Variants in AFAP1L2 observed in about 807,000 individuals in gnomAD.
AFAP1L2 encodes the protein actin filament associated protein 1 like 2.
A neutral mutation model predicts 99.3 loss-of-function variants in AFAP1L2; 46 were observed. That is an observed-to-expected ratio of 0.46 (90% CI 0.37 to 0.59). The LOEUF is 0.59. Ranked by LOEUF, AFAP1L2 falls within the 20% of genes least tolerant of loss-of-function variation. The pLI, the probability that AFAP1L2 is intolerant of heterozygous loss-of-function variation, is 0.00. For missense variants in AFAP1L2, 959 were observed against 1,034.9 expected, an observed-to-expected ratio of 0.93 and a Z score of 1.01; for synonymous variants, 397 against 419.1, an observed-to-expected ratio of 0.95 and a Z score of 0.64.
At chr10:114,332,821 G>A (rs145138949) in intron 3 of AFAP1L2, among the ~76,000 whole-genome samples, 254 of 152,310 alleles carry the variant, frequency 1.7e-3, no homozygotes, top group African/African-American at 5.9e-3. Context: ...TGACTATTAA[G>A]GCAGTTGCTG....
chr10:114,394,173 A>G (rs2057449455), intron 1 of AFAP1L2, among the ~76,000 whole-genome samples: 1 of 152,206 alleles, frequency 6.6e-6, no homozygotes, highest in African/African-American at 2.4e-5. Flanking sequence ...AGGGTTAGCA[A>G]ATAGCTCTGG....
chr10:114,305,789 C>G, intron 10 of AFAP1L2, among the ~76,000 whole-genome samples: 1 of 111,358 alleles, frequency 9.0e-6, no homozygotes, highest in African/African-American at 3.7e-5. Flanking sequence ...GGAGGGGACG[C>G]AGATGCAGGA....
chr10:114,284,878 A>G, the AFAP1L2 span: 1 of 1,609,276 alleles, frequency 6.2e-7, no homozygotes, highest in Non-Finnish European at 8.5e-7. Context: ...TGTGACTCGC[A>G]GCCCTGCCAG....
At chr10:114,297,868 G>T (rs1217332877) in intron 16 of AFAP1L2, among the ~76,000 whole-genome samples, 1 of 152,136 alleles carries the variant, frequency 6.6e-6, no homozygotes, top group African/African-American at 2.4e-5. Flanking sequence ...TGGACCTCTT[G>T]GGTTGATGCT....
At chr10:114,296,895 A>G in intron 18 of AFAP1L2, 83 bp downstream of exon 18, 1 of 1,607,948 alleles carries the variant, frequency 6.2e-7, no homozygotes, top group Admixed American at 1.7e-5. Context: ...AAAAGCCACA[A>G]AGCACCACCT....
At chr10:114,371,233 T>G (rs570385285) in intron 1 of AFAP1L2, among the ~76,000 whole-genome samples, 1 of 152,314 alleles carries the variant, frequency 6.6e-6, no homozygotes, top group African/African-American at 2.4e-5. Context: ...TTGCTCAGCC[T>G]GGTTGTTGAT....
intron 1 of AFAP1L2, among the ~76,000 whole-genome samples, chr10:114,400,657 T>C (rs955934710): frequency 3.9e-5 from 6 of 152,220 alleles, no homozygotes; most frequent in African/African-American, 1.2e-4. Context: ...GTGAGGAAAG[T>C]GTATATAAAA....
At chr10:114,404,953 C>T (rs893731899), upstream of AFAP1L2, among the ~76,000 whole-genome samples, 2 of 152,160 alleles carry the variant, frequency 1.3e-5, no homozygotes, top group African/African-American at 4.8e-5. Flanking sequence ...TAGAGCTCCT[C>T]GCGCTTGGCT....
chr10:114,334,683 T>A (rs2047674511), intron 2 of AFAP1L2, among the ~76,000 whole-genome samples: 1 of 152,212 alleles, frequency 6.6e-6, no homozygotes, highest in African/African-American at 2.4e-5. Flanking sequence ...ATGCAGTTGA[T>A]GCATAGTGGG....
At chr10:114,329,404 C>T (rs1182248743) in intron 4 of AFAP1L2, among the ~76,000 whole-genome samples, 5 of 152,192 alleles carry the variant, frequency 3.3e-5, no homozygotes, top group African/African-American at 1.2e-4. Flanking sequence ...ATTTCTAGAA[C>T]ACTCACACAG....
At position 114,304,839 on chromosome 10, in the gene AFAP1L2, C is replaced by T; in HGVS notation, c.1164G>A (p.Arg388=). Residue 388 remains arginine (R), a synonymous_variant, in exon 11 of 19, where the codon CGG becomes CGA. Coordinates refer to ENST00000304129, the MANE Select transcript of AFAP1L2 (RefSeq NM_001001936.3). The stretch of plus-strand genomic sequence containing the variant: ...TGAGGGGTTGCTGGGCCACCTTGCT[C>T]CGGTTCCGGTCCTGGTAGAAGTGCA... ...NHLHFYQDRN[R]SKVAQQPLSL... is the part of the protein sequence containing the mutation. 6.2e-7 allele frequency: 1 copy of T among 1,613,504 alleles called. No individual in the cohort carries two copies. Among genetic ancestry groups the T allele is most frequent in the Non-Finnish European group, 8.5e-7 (1 of 1,180,028 alleles).
At chr10:114,294,312 C>T (rs1048668036), downstream of AFAP1L2, among the ~76,000 whole-genome samples, 4 of 152,222 alleles carry the variant, frequency 2.6e-5, no homozygotes, top group South Asian at 2.1e-4. Flanking sequence ...ATTTCTCAAA[C>T]TTTTACACTG....
rs549351816 is a variant in AFAP1L2 at position 114,368,852 on chromosome 10, C to T, written c.17-28121G>A. Among the ~76,000 whole-genome samples, 28 of 150,490 alleles carry T rather than the reference C, an allele frequency of 1.9e-4. No individual in the cohort carries two copies. In the East Asian group the frequency reaches 4.5e-3, roughly 24 times the overall value. On this transcript the variant is annotated intron_variant, in intron 1 of 18. Coordinates refer to ENST00000304129, the MANE Select transcript of AFAP1L2 (RefSeq NM_001001936.3). ...ATGAGATGATGGCTGTGCTAATTAG[C>T]TTGACATTGGTAATCAAGTCACAAT... is the stretch of plus-strand genomic sequence containing the variant.
chr10:114,319,756 G>T, intron 5 of AFAP1L2: 1 of 677,332 alleles, frequency 1.5e-6, no homozygotes, highest in Non-Finnish European at 2.2e-6. Context: ...GTGGCAACTC[G>T]GCTGCCAGTC....
chr10:114,304,838 T>C lies in AFAP1L2; in HGVS notation c.1165A>G (p.Ser389Gly). The change falls in exon 11 of 19, where the codon AGC becomes GGC. Residue 389 changes from serine to glycine, a missense_variant. Around this residue, in one of 2 missense-constraint regions of AFAP1L2, gnomAD observed 576 missense variants for 562.1 expected, o/e 1.02. Transcript: ENST00000304129. ...CTGAGGGGTTGCTGGGCCACCTTGC[T>C]CCGGTTCCGGTCCTGGTAGAAGTGC... Reference protein sequence around the residue: ...HLHFYQDRNRSKVAQQPLSLV... With the variant: ...HLHFYQDRNRGKVAQQPLSLV... 6.2e-7 allele frequency: 1 copy of C among 1,613,442 alleles called. No homozygotes were observed. Among genetic ancestry groups the C allele is most frequent in the Non-Finnish European group, 8.5e-7 (1 of 1,180,012 alleles).
At chr10:114,323,288 G>A (rs1200639659) in intron 4 of AFAP1L2, 27 bp from the exon 5 acceptor site, 45 of 1,560,446 alleles carry the variant, frequency 2.9e-5, no homozygotes, top group Non-Finnish European at 3.7e-5. Flanking sequence ...TAAGACAAAC[G>A]TTTGCAGATA....
chr10:114,291,951 G>A (rs1162841429), downstream of AFAP1L2, among the ~76,000 whole-genome samples: 4 of 152,156 alleles, frequency 2.6e-5, no homozygotes, highest in Admixed American at 6.5e-5. Context: ...GTTCTGAGTC[G>A]TGAGCAGTGT....
chr10:114,291,502 C>T (rs932756436), downstream of AFAP1L2: 1 of 468,574 alleles, frequency 2.1e-6, no homozygotes, highest in Non-Finnish European at 3.8e-6. Context: ...AAGTAAATAC[C>T]CACTTTCTGT....
chr10:114,287,123 G>A, the AFAP1L2 span, among the ~76,000 whole-genome samples: 1 of 152,332 alleles, frequency 6.6e-6, no homozygotes, highest in South Asian at 2.1e-4. Context: ...AGGCACTCTA[G>A]AGAACACTGT....
Sources: gnomAD v4.1 joint callset for allele counts (sites outside exome capture counted in the v4.1 genomes callset) on GRCh38, gnomAD v4.1.1 for gene constraint, gnomAD v4.1.1 regional missense constraint, MANE v1.5 for transcripts, NCBI Gene and HGNC (gene_info 2026-07-23, HGNC 2026-07-21) for gene names.